TOX: variants seen among roughly 807,000 people sequenced by gnomAD.
TOX encodes the protein thymocyte selection associated high mobility group box.
Under a neutral mutation model 53.7 loss-of-function variants are expected in TOX, and 11 were observed. That is an observed-to-expected ratio of 0.20 (90% CI 0.13 to 0.34). TOX has a LOEUF of 0.34. Ranked by LOEUF, TOX falls within the 10% of genes least tolerant of loss-of-function variation. The pLI is 1.00. For missense variants in TOX, 570 were observed against 664.6 expected (o/e 0.86, Z 1.56); for synonymous variants, 225 against 245.3 (o/e 0.92, Z 0.77).
intron 1 of TOX, among the ~76,000 whole-genome samples, chr8:59,004,576 A>G (rs1438491486): frequency 6.6e-6 from 1 of 152,226 alleles, no homozygotes; most frequent in African/African-American, 2.4e-5. Context: ...ATTCGATTTA[A>G]ATTAAGACTA....
At chr8:59,032,087 C>T (rs141953359) in intron 1 of TOX, among the ~76,000 whole-genome samples, 9 of 152,280 alleles carry the variant, frequency 5.9e-5, no homozygotes, top group South Asian at 2.1e-4. Context: ...GCAATCCATA[C>T]GAGCTGCACT....
At chr8:59,108,486 C>A (rs1197478745) in intron 1 of TOX, among the ~76,000 whole-genome samples, 2 of 152,080 alleles carry the variant, frequency 1.3e-5, no homozygotes, top group Non-Finnish European at 2.9e-5. Context: ...TTATTGTAGG[C>A]ATTATATATT....
chr8:59,088,005 T>C (rs1242179203), intron 1 of TOX, among the ~76,000 whole-genome samples: 1 of 152,210 alleles, frequency 6.6e-6, no homozygotes, highest in African/African-American at 2.4e-5. Context: ...GTCATGCGAA[T>C]TTATGTACCT....
intron 1 of TOX, among the ~76,000 whole-genome samples, chr8:59,012,545 A>G (rs1469334677): frequency 3.3e-5 from 5 of 152,156 alleles, no homozygotes; most frequent in African/African-American, 1.2e-4. Flanking sequence ...TTTTCTTGAA[A>G]AAAGAAAATA....
chr8:58,994,563 A>G (rs1813524299), intron 1 of TOX, among the ~76,000 whole-genome samples: 1 of 152,156 alleles, frequency 6.6e-6, no homozygotes, highest in Non-Finnish European at 1.5e-5. Flanking sequence ...GTAATTTCCT[A>G]ATGATACCCA....
intron 3 of TOX, among the ~76,000 whole-genome samples, chr8:58,861,617 A>G (rs1196568061): frequency 6.6e-6 from 1 of 152,216 alleles, no homozygotes; most frequent in Non-Finnish European, 1.5e-5. Context: ...AAATAAAAAG[A>G]ATGGATTGGA....
At chr8:58,925,095 C>T (rs1463141) in intron 3 of TOX, among the ~76,000 whole-genome samples, 47,029 of 152,024 alleles carry the variant, frequency 0.31, 8,314 homozygotes, top group Non-Finnish European at 0.39. Context: ...TCACCATTCA[C>T]GCCACAGCTT....
chr8:59,013,505 AGTT>A (rs1813951742), intron 1 of TOX, among the ~76,000 whole-genome samples: 1 of 151,566 alleles, frequency 6.6e-6, no homozygotes, highest in Non-Finnish European at 1.5e-5. Flanking sequence ...CCGCCTCCCA[AGTT>A]CAAACAATTC....
chr8:58,860,366 C>G (rs965759991), intron 3 of TOX, among the ~76,000 whole-genome samples: 1 of 152,166 alleles, frequency 6.6e-6, no homozygotes, highest in Non-Finnish European at 1.5e-5. Context: ...TGATGCAGCT[C>G]ACTTCCTAGT....
At chr8:58,888,438 A>C (rs984372045) in intron 3 of TOX, among the ~76,000 whole-genome samples, 2 of 152,096 alleles carry the variant, frequency 1.3e-5, no homozygotes, top group Admixed American at 1.3e-4. Flanking sequence ...CGTGACATGC[A>C]CTTGAAGAAA....
At chr8:58,848,874 G>C (rs2129167942) in intron 4 of TOX, among the ~76,000 whole-genome samples, 1 of 152,182 alleles carries the variant, frequency 6.6e-6, no homozygotes, top group Admixed American at 6.5e-5. Flanking sequence ...ATTGCTTAAA[G>C]ACAGCACAAA....
At chr8:59,040,954 C>G (rs1803577783) in intron 1 of TOX, among the ~76,000 whole-genome samples, 1 of 152,138 alleles carries the variant, frequency 6.6e-6, no homozygotes, top group South Asian at 2.1e-4. Context: ...CCTCAGGAAC[C>G]AGGTGAGGTC....
At chr8:58,849,416 G>A (rs1032238154) in intron 4 of TOX, among the ~76,000 whole-genome samples, 50 of 152,198 alleles carry the variant, frequency 3.3e-4, no homozygotes, top group Admixed American at 1.4e-3. Context: ...AAAATGAAGC[G>A]TTATAAATTA....
intron 1 of TOX, among the ~76,000 whole-genome samples, chr8:59,024,093 C>T (rs1051094232): frequency 5.3e-5 from 8 of 152,180 alleles, no homozygotes; most frequent in Non-Finnish European, 1.0e-4. Flanking sequence ...AAGTCCTTCT[C>T]TGAATCTGTG....
In TOX at chr8:58,826,457, C is replaced by T. The variant is rs138617967; in HGVS notation, c.1005+365G>A. Among the ~76,000 whole-genome samples, 1,263 of 152,232 alleles carry T rather than the reference C, an allele frequency of 8.3e-3. 11 individuals are homozygous for T. The highest frequency in any genetic ancestry group is 0.015 in the Admixed American group (233 of 15,284). ...ACCTCCTAATGCTGCTGTAATGAGT[C>T]TAGAACTTAGAGTTGGCATGTCCTC... On this transcript the variant is annotated intron_variant, in intron 6 of 8. Transcript: ENST00000361421.
rs775794898 is a variant in TOX, at chr8:59,117,791, T to C, written c.102+1095A>G. Among the ~76,000 whole-genome samples the C allele has an allele frequency of 5.9e-5, 9 of 151,912 alleles. No individual in the cohort carries two copies. The highest frequency in any genetic ancestry group is 2.1e-4 in the South Asian group (1 of 4,820). ...AGGCAGATTTATCACCAAGCGAGAG[T>C]TGGGCGTCTAAAAGGCCCGCCCAGC... On this transcript the variant is annotated intron_variant, in intron 1 of 8. Transcript: ENST00000361421. This position sits in a 1 kb window ranked among gnomAD's most constrained non-coding sequence, Gnocchi z 4.6.
chr8:58,955,730 CA>C (rs1158465894), intron 2 of TOX, among the ~76,000 whole-genome samples: 18 of 146,908 alleles, frequency 1.2e-4, no homozygotes, highest in Admixed American at 1.2e-3. Context: ...TGGAAAAGGA[CA>C]CTTTTTTTTT....
intron 1 of TOX, among the ~76,000 whole-genome samples, chr8:59,077,693 T>C (rs1804316088): frequency 6.6e-6 from 1 of 152,244 alleles, no homozygotes; most frequent in Non-Finnish European, 1.5e-5. Context: ...ACGAAGAGCC[T>C]GAACACTGAC....
intron 1 of TOX, among the ~76,000 whole-genome samples, chr8:59,096,222 T>C (rs1180721084): frequency 6.6e-6 from 1 of 152,242 alleles, no homozygotes; most frequent in African/African-American, 2.4e-5. Flanking sequence ...AAAATGACTT[T>C]AATTAGTTTA....
Sources: allele counts gnomAD v4.1 joint callset (sites outside exome capture counted in the v4.1 genomes callset), GRCh38; gene constraint gnomAD v4.1.1; non-coding constraint Gnocchi (gnomAD v3.1); transcripts MANE v1.5; gene names NCBI Gene and HGNC (gene_info 2026-07-23, HGNC 2026-07-21).